ALG5: variants seen among roughly 807,000 people sequenced by gnomAD.
ALG5 encodes the protein dolichyl-phosphate beta-glucosyltransferase.
Under a neutral mutation model 51.8 loss-of-function variants are expected in ALG5, and 26 were observed. That is an observed-to-expected ratio of 0.50 (90% CI 0.37 to 0.70). The LOEUF is 0.70. Ranked by LOEUF, ALG5 falls within the 30% of genes least tolerant of loss-of-function variation. The pLI is 0.00. For synonymous variants in ALG5, 141 were observed against 136.1 expected, an observed-to-expected ratio of 1.04 and a Z score of -0.25; for missense variants, 311 against 399.3, an observed-to-expected ratio of 0.78 and a Z score of 1.88.
chr13:36,954,666 G>A (rs1051174319), intron 8 of ALG5, among the ~76,000 whole-genome samples: 11 of 152,198 alleles, frequency 7.2e-5, no homozygotes, highest in African/African-American at 2.7e-4. Flanking sequence ...GGGGGAAACA[G>A]TATAAGGGTT....
In ALG5 at chr13:36,973,726, A is replaced by T. The variant is rs146114348; in HGVS notation, c.562-1690T>A. ...TTAATTTCCAAAAAGCATAAAGTGC[A>T]TTTACTATTTTAAAAAGTACCCAAA... On this transcript the variant is annotated intron_variant, in intron 6 of 9. Coordinates refer to ENST00000239891, the MANE Select transcript of ALG5 (RefSeq NM_013338.5). 2.0e-5 allele frequency among the ~76,000 whole-genome samples: 3 copies of T among 152,342 alleles called. No homozygotes were observed. In the East Asian group the frequency reaches 5.8e-4, roughly 29 times the overall value.
intron 8 of ALG5, among the ~76,000 whole-genome samples, chr13:36,960,073 C>T (rs2058858892): frequency 1.3e-5 from 2 of 152,070 alleles, no homozygotes; most frequent in East Asian, 1.9e-4. Context: ...ACATTTATTA[C>T]CTTCGGGAAA....
intron 1 of ALG5, among the ~76,000 whole-genome samples, chr13:36,995,962 A>G (rs2059048082): frequency 6.6e-6 from 1 of 152,124 alleles, no homozygotes; most frequent in Non-Finnish European, 1.5e-5. Context: ...ACATGCATAG[A>G]GACACACACA....
intron 8 of ALG5, among the ~76,000 whole-genome samples, chr13:36,961,774 C>G (rs1054092466): frequency 6.6e-6 from 1 of 151,898 alleles, no homozygotes; most frequent in Non-Finnish European, 1.5e-5. Context: ...GTTCTGAATC[C>G]AAAGAGATAC....
At chr13:36,969,436 G>C (rs2058910875) in intron 7 of ALG5, among the ~76,000 whole-genome samples, 1 of 149,976 alleles carries the variant, frequency 6.7e-6, no homozygotes, top group African/African-American at 2.4e-5. Flanking sequence ...AAAAAAGAAA[G>C]AAAAAAAGTA....
At position 36,995,504 on chromosome 13, in the gene ALG5, T is replaced by C; in HGVS notation, c.159A>G (p.Lys53=). 1 of 1,607,934 alleles carries C rather than the reference T, an allele frequency of 6.2e-7. No homozygotes were observed. The highest frequency in any genetic ancestry group is 8.5e-7 in the Non-Finnish European group (1 of 1,178,698). The change falls in exon 2 of 10, where the codon AAA becomes AAG. Residue 53 remains lysine, a synonymous_variant. Coordinates refer to ENST00000239891, the MANE Select transcript of ALG5 (RefSeq NM_013338.5). ...EKFFLNAKGQ[K]ETLPSIWDSP... Reference sequence around the variant, plus strand: ...AGTCCCATATGCTGGGTAAAGTTTCTTTCTGGCCTTTGGCATTTAAGAAGA... The same window carrying C: ...AGTCCCATATGCTGGGTAAAGTTTCCTTCTGGCCTTTGGCATTTAAGAAGA...
intron 6 of ALG5, among the ~76,000 whole-genome samples, chr13:36,985,211 G>A (rs1258666396): frequency 6.6e-6 from 1 of 151,994 alleles, no homozygotes; most frequent in Non-Finnish European, 1.5e-5. Flanking sequence ...ATGGTGTGAA[G>A]TTTCAAATAA....
At chr13:36,961,902 C>A (rs1299230039) in intron 8 of ALG5, among the ~76,000 whole-genome samples, 1 of 152,074 alleles carries the variant, frequency 6.6e-6, no homozygotes, top group Non-Finnish European at 1.5e-5. Flanking sequence ...CTGCCTCGGC[C>A]TCCCAAGTAG....
At chr13:36,976,140 T>C (rs2058949298) in intron 6 of ALG5, among the ~76,000 whole-genome samples, 1 of 151,770 alleles carries the variant, frequency 6.6e-6, no homozygotes, top group Admixed American at 6.6e-5. Flanking sequence ...CTTTAAAGAA[T>C]TTTCTAGGCT....
chr13:36,971,899 T>G (rs1566061388), intron 7 of ALG5, 78 bp downstream of exon 7: 1 of 1,137,546 alleles, frequency 8.8e-7, no homozygotes. Flanking sequence ...AAAAGCCAGT[T>G]TCTTGCCAGA....
rs183017275 is a variant in ALG5, at chr13:36,989,171, A to G, written c.447+313T>C. On this transcript the variant is annotated intron_variant, in intron 5 of 9. Transcript: ENST00000239891. ...TACCTTCATCAAGGTAAAACTTAAT[A>G]CAAAAAACATTTTTTAAACTGCAAA... 3.1e-3 allele frequency among the ~76,000 whole-genome samples: 474 copies of G among 152,326 alleles called. 1 individual carries two copies. The highest frequency in any genetic ancestry group is 0.01 in the African/African-American group (435 of 41,566).
chr13:36,958,023 C>T (rs183135531), intron 8 of ALG5, among the ~76,000 whole-genome samples: 7 of 152,224 alleles, frequency 4.6e-5, no homozygotes, highest in Non-Finnish European at 8.8e-5. Context: ...CAAAGGAAAC[C>T]GAAAATCCAG....
At chr13:36,997,819 G>T (rs2059058424) in intron 1 of ALG5, among the ~76,000 whole-genome samples, 1 of 152,112 alleles carries the variant, frequency 6.6e-6, no homozygotes, top group African/African-American at 2.4e-5. Context: ...GTAATGGAGA[G>T]TGGATACATA....
At chr13:36,973,327 C>T (rs1052995741) in intron 6 of ALG5, among the ~76,000 whole-genome samples, 1 of 152,066 alleles carries the variant, frequency 6.6e-6, no homozygotes, top group African/African-American at 2.4e-5. Context: ...CCAGGAAACA[C>T]ATACACAAAG....
intron 6 of ALG5, among the ~76,000 whole-genome samples, chr13:36,972,933 A>G (rs940083091): frequency 2.1e-5 from 3 of 146,258 alleles, no homozygotes; most frequent in Admixed American, 7.0e-5. Context: ...CAGAGCTTGC[A>G]GTGAGCCGAG....
intron 6 of ALG5, among the ~76,000 whole-genome samples, chr13:36,976,707 C>CA (rs1566063194): frequency 6.6e-6 from 1 of 151,668 alleles, no homozygotes; most frequent in Non-Finnish European, 1.5e-5. Context: ...GAGATCGCAC[C>CA]ACTGCACTCC....
intron 7 of ALG5, among the ~76,000 whole-genome samples, chr13:36,970,581 C>T (rs189348592): frequency 4.7e-5 from 7 of 149,130 alleles, no homozygotes; most frequent in Admixed American, 3.4e-4. Context: ...ACTTGGGTGA[C>T]AGAGTTAGAC....
rs571211205 is a variant in ALG5, at chr13:36,980,834, C to A, written c.561+4793G>T. On this transcript the variant is annotated intron_variant, in intron 6 of 9. Transcript: ENST00000239891. ...CCAAAAAACACAAAAAATAGCCTGG[C>A]GTGGTGGTGCGTGCCTGTAATTCCA... is the stretch of plus-strand genomic sequence containing the variant. 4.6e-5 allele frequency among the ~76,000 whole-genome samples: 7 copies of A among 151,942 alleles called. No homozygotes were observed. The East Asian group carries it at 1.2e-3, about 25-fold the overall frequency.
At position 36,999,226 on chromosome 13, in the gene ALG5, T is replaced by C. The variant is rs200894954; in HGVS notation, c.66+9A>G. 6 of 1,571,514 alleles carry C rather than the reference T, an allele frequency of 3.8e-6. No individual in the cohort carries two copies. The highest frequency in any genetic ancestry group is 1.9e-5 in the Admixed American group (1 of 53,878). ...CCCGGCCTGCGCGGGTTCCCATCCC[T>C]GTTCTCACCAGTACGAGGGCTGCGG... On this transcript the variant is annotated intron_variant, in intron 1 of 9. Transcript: ENST00000239891.
Sources: allele counts gnomAD v4.1 joint callset (sites outside exome capture counted in the v4.1 genomes callset), GRCh38; gene constraint gnomAD v4.1.1; transcripts MANE v1.5; gene names NCBI Gene and HGNC (gene_info 2026-07-23, HGNC 2026-07-21).